Variants in PPFIBP2 observed in about 807,000 individuals in gnomAD.
PPFIBP2 encodes liprin-beta-2.
A neutral mutation model predicts 118.3 loss-of-function variants in PPFIBP2; 118 were observed. The ratio of observed to expected loss-of-function variants is 1.00; its 90% CI spans 0.86 to 1.16. PPFIBP2 has a LOEUF of 1.16. PPFIBP2 is among the 50% of genes most tolerant of loss of function. The pLI is 0.00. For missense variants in PPFIBP2, 1,195 were observed against 1,073.1 expected, an observed-to-expected ratio of 1.11 and a Z score of -1.59; for synonymous variants, 414 against 397.4, an observed-to-expected ratio of 1.04 and a Z score of -0.50.
At chr11:7,615,654 C>T (rs1217869408) in intron 6 of PPFIBP2, among the ~76,000 whole-genome samples, 1 of 152,212 alleles carries the variant, frequency 6.6e-6, no homozygotes, top group Non-Finnish European at 1.5e-5. Flanking sequence ...TGCTTTCACT[C>T]TACTCAGAGG....
chr11:7,597,468 G>C, intron 4 of PPFIBP2, 92 bp from the exon 5 acceptor site: 1 of 1,533,680 alleles, frequency 6.5e-7, no homozygotes, highest in Non-Finnish European at 8.9e-7. Context: ...AAGAGTCAGT[G>C]GTGAGATTTA....
intron 2 of PPFIBP2, 31 bp downstream of exon 2, chr11:7,549,570 C>G (rs771839834): frequency 7.7e-5 from 116 of 1,505,074 alleles, no homozygotes; most frequent in Non-Finnish European, 1.0e-4. Context: ...CAACCAAGGT[C>G]TCATCCTCCA....
chr11:7,546,502 G>A (rs1852344798), intron 1 of PPFIBP2, among the ~76,000 whole-genome samples: 1 of 152,134 alleles, frequency 6.6e-6, no homozygotes, highest in Admixed American at 6.5e-5. Context: ...ACATAGCCTG[G>A]GCCCTCTGGG....
downstream of PPFIBP2, among the ~76,000 whole-genome samples, chr11:7,662,020 T>C (rs1330154334): frequency 7.1e-5 from 10 of 140,380 alleles, 1 homozygote; most frequent in East Asian, 2.0e-3. Flanking sequence ...CTCCATCCTT[T>C]TATTTTGAGC....
chr11:7,521,275 T>G (rs752313278), intron 1 of PPFIBP2, among the ~76,000 whole-genome samples: 3 of 152,218 alleles, frequency 2.0e-5, no homozygotes, highest in Non-Finnish European at 4.4e-5. Context: ...AACATACCTG[T>G]AGATGGGAGG....
chr11:7,629,382 A>T, intron 9 of PPFIBP2, 77 bp from the exon 10 acceptor site: 3 of 1,381,620 alleles, frequency 2.2e-6, no homozygotes, highest in Non-Finnish European at 3.1e-6. Flanking sequence ...TGCCAAGAAC[A>T]TAGCGTGGGT....
At chr11:7,593,857 G>T (rs576169233) in intron 4 of PPFIBP2, among the ~76,000 whole-genome samples, 3 of 152,354 alleles carry the variant, frequency 2.0e-5, no homozygotes, top group Admixed American at 2.0e-4. Flanking sequence ...TCATAAGAAG[G>T]CTGTTGAAGA....
rs932393742 is a variant in PPFIBP2, at chr11:7,616,452, C to A, written c.619-4483C>A. 1.3e-5 allele frequency among the ~76,000 whole-genome samples: 2 copies of A among 152,186 alleles called. No individual in the cohort carries two copies. The highest frequency in any genetic ancestry group is 4.8e-5 in the African/African-American group (2 of 41,448). ...GAGACAAAGTAGGGATCCGTGTCCT[C>A]AAGGAGTGAGTCTCGTCAGATTGGC... On this transcript the variant is annotated intron_variant, in intron 6 of 23. Transcript: ENST00000299492. The surrounding 1 kb of genome is among the most constrained non-coding windows in gnomAD (Gnocchi z 5.2).
At chr11:7,520,495 T>C (rs1279979315) in intron 1 of PPFIBP2, among the ~76,000 whole-genome samples, 1 of 151,734 alleles carries the variant, frequency 6.6e-6, no homozygotes, top group Non-Finnish European at 1.5e-5. Context: ...GGTTTTTTAC[T>C]TGGCCATAAG....
intron 3 of PPFIBP2, among the ~76,000 whole-genome samples, chr11:7,572,472 A>G (rs1855757869): frequency 1.3e-5 from 2 of 152,196 alleles, no homozygotes; most frequent in African/African-American, 4.8e-5. Flanking sequence ...CTAAGAACCA[A>G]TGTTTATAAA....
chr11:7,634,591 C>CT (rs1019838039), intron 13 of PPFIBP2, 39 bp downstream of exon 13: 1 of 1,541,624 alleles, frequency 6.5e-7, no homozygotes, highest in African/African-American at 1.4e-5. Context: ...GACTGAGTTA[C>CT]TTTTTTGGGC....
In PPFIBP2 at chr11:7,642,346, G is replaced by T. The variant is rs747996737; in HGVS notation, c.1566G>T (p.Met522Ile). 144 of 1,614,042 alleles carry T rather than the reference G, an allele frequency of 8.9e-5. No individual in the cohort carries two copies. Among genetic ancestry groups the T allele is most frequent in the Non-Finnish European group, 1.2e-4 (137 of 1,180,026 alleles). ...ATTTCTACACTGACACGCTGGGGAT[G>T]GCAGAGTTTCGACGAGGTGGGCTCC... ...SGNFYTDTLG[M>I]AEFRRGGLRA... Residue 522 changes from methionine to isoleucine, a missense_variant, in exon 17 of 24, where the codon ATG (methionine) becomes ATT (isoleucine). Met to Ile is a conservative substitution (Grantham distance 10). Coordinates refer to ENST00000299492, the MANE Select transcript of PPFIBP2 (RefSeq NM_003621.5).
intron 1 of PPFIBP2, among the ~76,000 whole-genome samples, chr11:7,516,099 A>G (rs984108065): frequency 6.6e-6 from 1 of 152,174 alleles, no homozygotes; most frequent in Non-Finnish European, 1.5e-5. Flanking sequence ...AAACGTTCAG[A>G]TTAAGTAGTC....
chr11:7,652,454 G>T (rs4758011), intron 23 of PPFIBP2, among the ~76,000 whole-genome samples: 12 of 152,174 alleles, frequency 7.9e-5, no homozygotes, highest in African/African-American at 2.4e-4. Context: ...CTGGAGGCCA[G>T]GCTGGTCCTA....
intron 17 of PPFIBP2, among the ~76,000 whole-genome samples, chr11:7,642,970 G>A (rs774715695): frequency 6.6e-5 from 10 of 152,126 alleles, no homozygotes; most frequent in Non-Finnish European, 1.5e-4. Flanking sequence ...GGTCCTCCTC[G>A]TGCATGAGAC....
intron 1 of PPFIBP2, among the ~76,000 whole-genome samples, chr11:7,532,055 T>A (rs1027675348): frequency 3.3e-5 from 5 of 152,146 alleles, no homozygotes; most frequent in African/African-American, 1.2e-4. Context: ...TTGTCCAGGC[T>A]GGTCTTGAAC....
At chr11:7,552,759 C>A (rs765527985) in intron 2 of PPFIBP2, among the ~76,000 whole-genome samples, 6 of 152,104 alleles carry the variant, frequency 3.9e-5, no homozygotes, top group African/African-American at 9.7e-5. Context: ...AGCTTGCCCC[C>A]CCCTCTCCTG....
chr11:7,549,667 G>C (rs7125594), intron 2 of PPFIBP2, 128 bp downstream of exon 2: 1 of 962,084 alleles, frequency 1.0e-6, no homozygotes, highest in African/African-American at 1.8e-5. Flanking sequence ...ATTTTTCAGT[G>C]GTGTTATTGT....
chr11:7,552,396 A>G (rs542562908), intron 2 of PPFIBP2, among the ~76,000 whole-genome samples: 1 of 152,302 alleles, frequency 6.6e-6, no homozygotes, highest in East Asian at 1.9e-4. Context: ...GTAGTATTCT[A>G]TTTATTAAAG....
Sources: gnomAD v4.1 joint callset for allele counts (sites outside exome capture counted in the v4.1 genomes callset) on GRCh38, gnomAD v4.1.1 for gene constraint, Gnocchi (gnomAD v3.1) non-coding constraint, MANE v1.5 for transcripts, NCBI Gene and HGNC (gene_info 2026-07-23, HGNC 2026-07-21) for gene names.